The following RPS6KA2 variants were observed in gnomAD, a reference collection of about 807,000 sequenced individuals.
The protein encoded by RPS6KA2 is ribosomal protein S6 kinase alpha-2.
In RPS6KA2, 42 loss-of-function variants were observed where a neutral mutation model predicts 91.8. That is an observed-to-expected ratio of 0.46 (90% CI 0.36 to 0.59). The LOEUF is 0.59. RPS6KA2 is among the 20% of genes least tolerant of loss of function. The pLI, the probability that RPS6KA2 is intolerant of heterozygous loss-of-function variation, is 0.00. For synonymous variants in RPS6KA2, 414 were observed against 393.6 expected, an observed-to-expected ratio of 1.05 and a Z score of -0.61; for missense variants, 798 against 978.5, an observed-to-expected ratio of 0.82 and a Z score of 2.46.
At chr6:166,586,158 T>C (rs1583302820) in intron 1 of RPS6KA2, 4 of 1,558,830 alleles carry the variant, frequency 2.6e-6, no homozygotes, top group Non-Finnish European at 3.4e-6. Context: ...GTTGTAACCA[T>C]AATGTCCATA....
intron 10 of RPS6KA2, among the ~76,000 whole-genome samples, chr6:166,486,650 T>C (rs551492425): frequency 6.6e-5 from 10 of 152,344 alleles, no homozygotes; most frequent in Non-Finnish European, 1.2e-4. Context: ...CCAGGTGGCA[T>C]TGGGGGCTGG....
chr6:166,663,626 C>A (rs1252386420), intron 2 of RPS6KA2, among the ~76,000 whole-genome samples: 1 of 152,208 alleles, frequency 6.6e-6, no homozygotes, highest in Non-Finnish European at 1.5e-5. Context: ...AATAACTATT[C>A]CTACCATCCC....
At position 166,409,650 on chromosome 6, in the gene RPS6KA2, CT is replaced by C. The variant is rs918098484; in HGVS notation, c.*3111del. The C allele has an allele frequency of 1.3e-5, 2 of 152,478 alleles. No individual in the cohort carries two copies. The highest frequency in any genetic ancestry group is 2.9e-5 in the Non-Finnish European group (2 of 68,044). 9.4% of individuals were successfully genotyped at this position (152,478 alleles called of 1,614,324 possible). A position where few individuals can be genotyped will look rare whatever the true frequency, so the allele number is the denominator to read the frequency against. On this transcript the variant is annotated 3_prime_UTR_variant, in exon 21 of 21. Transcript: ENST00000265678. ...TGCGCTGGAGTCCACCTTCCGCCCT[CT>C]CCACACCGCTCAGGGACCGGCAGCG...
chr6:166,856,052 C>T (rs117835938), intron 2 of RPS6KA2, among the ~76,000 whole-genome samples: 9 of 152,274 alleles, frequency 5.9e-5, no homozygotes, highest in East Asian at 3.9e-4. Flanking sequence ...GTAGAGAACA[C>T]GACAACTTGA....
intron 2 of RPS6KA2, among the ~76,000 whole-genome samples, chr6:166,776,962 C>T (rs1236211296): frequency 6.6e-6 from 1 of 152,200 alleles, no homozygotes; most frequent in Non-Finnish European, 1.5e-5. Context: ...TCATGTGCTT[C>T]TCCGCCATTT....
At chr6:166,609,358 T>C (rs1786075982) in intron 1 of RPS6KA2, among the ~76,000 whole-genome samples, 1 of 152,174 alleles carries the variant, frequency 6.6e-6, no homozygotes, top group African/African-American at 2.4e-5. Flanking sequence ...AAAGATCTGT[T>C]GGGCTGTCTG....
intron 2 of RPS6KA2, among the ~76,000 whole-genome samples, chr6:166,854,205 G>T (rs1333612393): frequency 6.6e-6 from 1 of 152,136 alleles, no homozygotes; most frequent in Non-Finnish European, 1.5e-5. Flanking sequence ...GTGAATAAAG[G>T]TGTATTGCAG....
At chr6:166,832,338 G>A (rs1042575316) in intron 2 of RPS6KA2, among the ~76,000 whole-genome samples, 4 of 152,150 alleles carry the variant, frequency 2.6e-5, no homozygotes. Flanking sequence ...CTCAGCACAT[G>A]TTTGGATTTA....
intron 1 of RPS6KA2, among the ~76,000 whole-genome samples, chr6:166,578,914 G>A (rs1784923154): frequency 6.6e-6 from 1 of 152,230 alleles, no homozygotes. Flanking sequence ...CGCAGTTTAT[G>A]AGATTCTGCA....
At chr6:166,581,059 C>A (rs1354294666) in intron 1 of RPS6KA2, among the ~76,000 whole-genome samples, 1 of 152,132 alleles carries the variant, frequency 6.6e-6, no homozygotes, top group Non-Finnish European at 1.5e-5. Flanking sequence ...ACCACCACGC[C>A]CAGCTAATTT....
chr6:166,494,795 C>T lies in RPS6KA2; in HGVS notation c.747+3713G>A, dbSNP rs1356629931. On this transcript the variant is annotated intron_variant, in intron 8 of 20. Coordinates refer to ENST00000265678, the MANE Select transcript of RPS6KA2 (RefSeq NM_021135.6). The surrounding 1 kb of genome is among the most constrained non-coding windows in gnomAD (Gnocchi z 5.1). ...GGGAAGAGATCCCAGCACACATCCACCTCCAGGGGACGGACGGCCACCCAC... is the reference window on the plus strand; with the variant it reads ...GGGAAGAGATCCCAGCACACATCCATCTCCAGGGGACGGACGGCCACCCAC... Among the ~76,000 whole-genome samples the T allele has an allele frequency of 6.6e-6, 1 of 152,210 alleles. No homozygotes were observed. Among genetic ancestry groups the T allele is most frequent in the African/African-American group, 2.4e-5 (1 of 41,462 alleles).
intron 11 of RPS6KA2, chr6:166,465,299 A>G (rs1355342442): frequency 6.6e-6 from 1 of 152,236 alleles, no homozygotes; most frequent in African/African-American, 2.4e-5. Flanking sequence ...TACATCACGG[A>G]GTAAAATTAC....
At chr6:166,728,305 C>A (rs1790402399) in intron 2 of RPS6KA2, among the ~76,000 whole-genome samples, 1 of 152,224 alleles carries the variant, frequency 6.6e-6, no homozygotes, top group East Asian at 1.9e-4. Context: ...ATCCCTGCCC[C>A]TCATGGCAGA....
intron 2 of RPS6KA2, among the ~76,000 whole-genome samples, chr6:166,806,188 A>G (rs1779489203): frequency 6.6e-6 from 1 of 152,226 alleles, no homozygotes; most frequent in Non-Finnish European, 1.5e-5. Context: ...AAAGAGAGAA[A>G]GGGATAGAGA....
intron 2 of RPS6KA2, among the ~76,000 whole-genome samples, chr6:166,677,432 G>A (rs1788653317): frequency 6.6e-6 from 1 of 151,570 alleles, no homozygotes; most frequent in Admixed American, 6.6e-5. Flanking sequence ...CATGATGTCG[G>A]CTCACTGCAA....
At chr6:166,450,141 A>G in intron 13 of RPS6KA2, among the ~76,000 whole-genome samples, 1 of 148,490 alleles carries the variant, frequency 6.7e-6, no homozygotes. Flanking sequence ...CACCATGGGA[A>G]CCACCACAGG....
chr6:166,719,439 G>T lies in RPS6KA2; in HGVS notation c.123+138761C>A, dbSNP rs191615432. Among the ~76,000 whole-genome samples the T allele has an allele frequency of 5.7e-4, 87 of 152,296 alleles. No homozygotes were observed. In the East Asian group the frequency reaches 6.0e-3, roughly 10 times the overall value. On this transcript the variant is annotated intron_variant, in intron 2 of 21. Coordinates refer to the RPS6KA2 transcript ENST00000503859. ...CATAGCCAGAATGTATGCAAGGTTTGATATCAATGAGAGCTTTAAATGAAT... is the reference window on the plus strand; with the variant it reads ...CATAGCCAGAATGTATGCAAGGTTTTATATCAATGAGAGCTTTAAATGAAT...
In RPS6KA2 at chr6:166,410,554, G is replaced by A. The variant is rs1272309689; in HGVS notation, c.*2208C>T. Reference sequence around the variant, plus strand: ...CTCCGCTGATGCACATCAAATACATGTAAGGACAGAGCTCGCTGTGATGGG... The same window carrying A: ...CTCCGCTGATGCACATCAAATACATATAAGGACAGAGCTCGCTGTGATGGG... On this transcript the variant is annotated 3_prime_UTR_variant, in exon 21 of 21. Transcript: ENST00000265678. The A allele has an allele frequency of 6.6e-6, 1 of 152,414 alleles. No individual in the cohort carries two copies. The highest frequency in any genetic ancestry group is 2.1e-4 in the South Asian group (1 of 4,822). The allele number at this position is 152,414 out of a possible 1,614,324, so 9.4% of individuals were successfully genotyped here. A position where few individuals can be genotyped will look rare whatever the true frequency, so the allele number is the denominator to read the frequency against.
chr6:166,731,455 G>A (rs1361632683), intron 2 of RPS6KA2, among the ~76,000 whole-genome samples: 2 of 150,794 alleles, frequency 1.3e-5, no homozygotes, highest in Non-Finnish European at 2.9e-5. Flanking sequence ...AAGGAGGGGC[G>A]TGGTGGGGGC....
Sources: allele counts gnomAD v4.1 joint callset (sites outside exome capture counted in the v4.1 genomes callset), GRCh38; gene constraint gnomAD v4.1.1; non-coding constraint Gnocchi (gnomAD v3.1); transcripts MANE v1.5; gene names NCBI Gene and HGNC (gene_info 2026-07-23, HGNC 2026-07-21).